Variants in DCUN1D4 observed in about 807,000 individuals in gnomAD.
The protein encoded by DCUN1D4 is DCN1-like protein 4.
Under a neutral mutation model 47.9 loss-of-function variants are expected in DCUN1D4, and 22 were observed. The observed-to-expected ratio is 0.46, with a 90% confidence interval of 0.33 to 0.66. DCUN1D4 has a LOEUF of 0.66. Ranked by LOEUF, DCUN1D4 falls within the 30% of genes least tolerant of loss-of-function variation. The probability of loss-of-function intolerance (pLI) is 0.02; values close to 1 mark genes in which losing one functional copy is unlikely to be tolerated. For synonymous variants in DCUN1D4, 121 were observed against 112.2 expected, an observed-to-expected ratio of 1.08 and a Z score of -0.50; for missense variants, 301 against 340.8, an observed-to-expected ratio of 0.88 and a Z score of 0.92.
chr4:51,854,350 CTT>C (rs1184535772), intron 1 of DCUN1D4, among the ~76,000 whole-genome samples: 2 of 152,108 alleles, frequency 1.3e-5, no homozygotes, highest in Non-Finnish European at 2.9e-5. Flanking sequence ...TTAAGGGAAT[CTT>C]TTTTACTTAA....
chr4:51,883,729 T>C (rs1202347990), intron 5 of DCUN1D4, among the ~76,000 whole-genome samples: 2 of 152,210 alleles, frequency 1.3e-5, no homozygotes, highest in East Asian at 3.8e-4. Context: ...AAACACTAAA[T>C]AAATATGTAT....
intron 1 of DCUN1D4, among the ~76,000 whole-genome samples, chr4:51,856,321 C>CT: frequency 6.6e-6 from 1 of 152,268 alleles, no homozygotes; most frequent in African/African-American, 2.4e-5. Flanking sequence ...TAATAAAACA[C>CT]TTTGATGATG....
intron 1 of DCUN1D4, chr4:51,860,433 C>G (rs1005888212): frequency 5.9e-6 from 2 of 340,662 alleles, no homozygotes; most frequent in Middle Eastern, 1.1e-3. Flanking sequence ...TTATGAACAT[C>G]AGTTGCTGGT....
At chr4:51,848,130 C>A in intron 1 of DCUN1D4, 1 of 1,143,258 alleles carries the variant, frequency 8.7e-7, no homozygotes. Flanking sequence ...CACAAGCTTT[C>A]ACCTACTCAT....
Position 51,915,511 on chromosome 4 carries a change from G to A in DCUN1D4, c.*1927G>A, listed in dbSNP as rs1475244572. 6.6e-6 allele frequency: 1 copy of A among 152,378 alleles called. No homozygotes were observed. Among genetic ancestry groups the A allele is most frequent in the Admixed American group, 6.6e-5 (1 of 15,248 alleles). The allele number at this position is 152,378 out of a possible 1,614,324, so 9.4% of individuals were successfully genotyped here. ...GTGATGGATGCATTTGTTTTGCAGTGGTGACTGGCCTAGGCAGGTTTGGAT... is the reference window on the plus strand; with the variant it reads ...GTGATGGATGCATTTGTTTTGCAGTAGTGACTGGCCTAGGCAGGTTTGGAT... On this transcript the variant is annotated 3_prime_UTR_variant, in exon 11 of 11. Transcript: ENST00000334635.
chr4:51,863,158 A>C (rs1725342776), intron 1 of DCUN1D4, among the ~76,000 whole-genome samples: 1 of 152,230 alleles, frequency 6.6e-6, no homozygotes, highest in African/African-American at 2.4e-5. Flanking sequence ...TATTAAGTTC[A>C]AGTTCACTGC....
intron 1 of DCUN1D4, among the ~76,000 whole-genome samples, chr4:51,850,199 C>T (rs967281326): frequency 7.9e-5 from 12 of 152,102 alleles, no homozygotes; most frequent in African/African-American, 2.4e-4. Flanking sequence ...ATAAATCTCT[C>T]GTTTTTACTG....
rs1218549999 is a variant in DCUN1D4, at chr4:51,915,046, G to T, written c.*1462G>T. On this transcript the variant is annotated 3_prime_UTR_variant, in exon 11 of 11. Transcript: ENST00000334635. ...TTGAACATGTGATGACTGGAAAAAG[G>T]TTTGGGTTATTTGGAACTCTGGCTA... is the stretch of plus-strand genomic sequence containing the variant. 13 of 152,466 alleles carry T rather than the reference G, an allele frequency of 8.5e-5. No individual in the cohort carries two copies. The highest frequency in any genetic ancestry group is 1.6e-4 in the Non-Finnish European group (11 of 67,980). 9.4% of individuals were successfully genotyped at this position (152,466 alleles called of 1,614,324 possible).
At chr4:51,876,678 T>G (rs1727747321) in intron 4 of DCUN1D4, among the ~76,000 whole-genome samples, 1 of 152,180 alleles carries the variant, frequency 6.6e-6, no homozygotes, top group East Asian at 1.9e-4. Context: ...AATATACTAT[T>G]GAGGGATGTG....
chr4:51,863,477 T>C lies in DCUN1D4; in HGVS notation c.66T>C (p.Ile22=). 3 of 1,613,144 alleles carry C rather than the reference T, an allele frequency of 1.9e-6. No homozygotes were observed. The highest frequency in any genetic ancestry group is 2.2e-5 in the East Asian group (1 of 44,764). The change falls in exon 2 of 11, where the codon ATT becomes ATC. Residue 22 remains isoleucine, a synonymous_variant. Transcript: ENST00000334635. ...LNSHLSTLAN[I]HKIYHTLNKL... The stretch of plus-strand genomic sequence containing the variant: ...CTCATCTCTCAACACTGGCAAATAT[T>C]CATAAGATCTACCACACCCTTAATA...
chr4:51,911,268 T>A, intron 9 of DCUN1D4, 94 bp downstream of exon 9: 1 of 1,159,746 alleles, frequency 8.6e-7, no homozygotes. Flanking sequence ...TTGTTTGTTG[T>A]ACTTTTCTGC....
chr4:51,898,274 A>G (rs1731568845), intron 7 of DCUN1D4, among the ~76,000 whole-genome samples: 1 of 152,178 alleles, frequency 6.6e-6, no homozygotes, highest in African/African-American at 2.4e-5. Context: ...CCCATGGGCA[A>G]GTGCCTTCCC....
At chr4:51,893,449 G>A (rs529561212) in intron 7 of DCUN1D4, among the ~76,000 whole-genome samples, 3 of 150,156 alleles carry the variant, frequency 2.0e-5, no homozygotes, top group South Asian at 2.1e-4. Flanking sequence ...TTTTTGAGAC[G>A]GAATGTCCCT....
intron 1 of DCUN1D4, among the ~76,000 whole-genome samples, chr4:51,848,640 G>A (rs914837436): frequency 2.6e-5 from 4 of 152,166 alleles, no homozygotes; most frequent in Non-Finnish European, 5.9e-5. Flanking sequence ...CTCTTGAGAA[G>A]TATTCTAAGC....
In DCUN1D4 at chr4:51,843,154, G is replaced by C. The variant is rs1030333101; in HGVS notation, c.-89G>C. On this transcript the variant is annotated 5_prime_UTR_variant, in exon 1 of 11. Coordinates refer to ENST00000334635, the MANE Select transcript of DCUN1D4 (RefSeq NM_001040402.3). Reference sequence around the variant, plus strand: ...GGGAGTGCCCGGCGGCGGGTCCTCAGCTTCGAGCCGAGGTGCAGTGAGCTG... The same window carrying C: ...GGGAGTGCCCGGCGGCGGGTCCTCACCTTCGAGCCGAGGTGCAGTGAGCTG... 1.0e-4 allele frequency: 157 copies of C among 1,520,030 alleles called. No individual in the cohort carries two copies. In the Admixed American group the frequency reaches 2.9e-3, roughly 28 times the overall value. 94.2% of individuals were successfully genotyped at this position (1,520,030 alleles called of 1,614,324 possible).
At chr4:51,868,209 G>A (rs1008705863) in intron 3 of DCUN1D4, among the ~76,000 whole-genome samples, 3 of 152,198 alleles carry the variant, frequency 2.0e-5, no homozygotes, top group Non-Finnish European at 4.4e-5. Context: ...AGGGATGCCT[G>A]GGTCCGCAGC....
intron 4 of DCUN1D4, among the ~76,000 whole-genome samples, chr4:51,876,285 G>A (rs1011432552): frequency 1.2e-4 from 19 of 152,220 alleles, no homozygotes; most frequent in Non-Finnish European, 8.8e-5. Context: ...GATGAAGCTG[G>A]AAACCATCAT....
chr4:51,860,638 G>A (rs568301844), intron 1 of DCUN1D4: 12 of 455,352 alleles, frequency 2.6e-5, no homozygotes, highest in East Asian at 2.1e-4. Context: ...ACCACATGGC[G>A]AAAGCAGGAG....
Position 51,914,112 on chromosome 4 carries a change from A to G in DCUN1D4, c.*528A>G, listed in dbSNP as rs937690865. On this transcript the variant is annotated 3_prime_UTR_variant, in exon 11 of 11. Coordinates refer to ENST00000334635, the MANE Select transcript of DCUN1D4 (RefSeq NM_001040402.3). ...CATAACTTTTTAGAGGCATATGCCA[A>G]ATATCATTTGGTATACTTAACAATA... 3 of 152,948 alleles carry G rather than the reference A, an allele frequency of 2.0e-5. No homozygotes were observed. Among genetic ancestry groups the G allele is most frequent in the African/African-American group, 7.2e-5 (3 of 41,572 alleles). The allele number at this position is 152,948 out of a possible 1,614,324, so 9.5% of individuals were successfully genotyped here. A position where few individuals can be genotyped will look rare whatever the true frequency, so the allele number is the denominator to read the frequency against.
Sources: gnomAD v4.1 joint callset for allele counts (sites outside exome capture counted in the v4.1 genomes callset) on GRCh38, gnomAD v4.1.1 for gene constraint, MANE v1.5 for transcripts, NCBI Gene and HGNC (gene_info 2026-07-23, HGNC 2026-07-21) for gene names.